Variants in RALY observed in about 807,000 individuals in gnomAD.
The protein encoded by RALY is RALY heterogeneous nuclear ribonucleoprotein, also known as RNA-binding protein Raly.
RALY carries 15 observed loss-of-function variants against 30.7 expected under a neutral mutation model. That is an observed-to-expected ratio of 0.49 (90% CI 0.33 to 0.75). The LOEUF (loss-of-function observed/expected upper bound fraction) is 0.75. Ranked by LOEUF, RALY falls within the 30% of genes least tolerant of loss-of-function variation. RALY has a pLI of 0.02. For synonymous variants in RALY, 177 were observed against 170.8 expected, an observed-to-expected ratio of 1.04 and a Z score of -0.28; for missense variants, 339 against 414.3, an observed-to-expected ratio of 0.82 and a Z score of 1.58.
chr20:34,040,566 C>T (rs575334580), intron 2 of RALY, among the ~76,000 whole-genome samples: 25 of 152,324 alleles, frequency 1.6e-4, no homozygotes, highest in Non-Finnish European at 2.8e-4. Context: ...TGGGGTTCAT[C>T]CCCGAGTCTT....
intron 8 of RALY, among the ~76,000 whole-genome samples, chr20:34,077,941 C>T (rs1202979122): frequency 4.6e-5 from 7 of 152,230 alleles, no homozygotes; most frequent in Admixed American, 2.0e-4. Flanking sequence ...GGCTGAGTGG[C>T]ATGCTCAGGG....
chr20:34,036,673 G>T lies in RALY; in HGVS notation c.-10+5069G>T, dbSNP rs549974670. On this transcript the variant is annotated intron_variant, in intron 2 of 9. Transcript: ENST00000246194. The stretch of plus-strand genomic sequence containing the variant: ...GCCACATGGGCCTGGGCTTGTCTTT[G>T]TTGGAAGAGTTTAAAATTACTAATT... Among the ~76,000 whole-genome samples, 45 of 152,300 alleles carry T rather than the reference G, an allele frequency of 3.0e-4. 1 individual carries two copies. In the South Asian group the frequency reaches 9.1e-3, roughly 31 times the overall value.
intron 1 of RALY, among the ~76,000 whole-genome samples, chr20:33,996,798 C>G (rs1353160989): frequency 6.6e-6 from 1 of 152,200 alleles, no homozygotes; most frequent in East Asian, 1.9e-4. Flanking sequence ...TCCCTCCTCC[C>G]TCCAGCCCCT....
intron 2 of RALY, among the ~76,000 whole-genome samples, chr20:34,042,284 G>A (rs180860042): frequency 6.1e-4 from 93 of 152,220 alleles, no homozygotes; most frequent in African/African-American, 1.9e-3. Context: ...ATCACAGTTC[G>A]TAAAACGACA....
intron 2 of RALY, among the ~76,000 whole-genome samples, chr20:34,054,963 GA>G (rs2123189705): frequency 6.6e-6 from 1 of 152,236 alleles, no homozygotes; most frequent in African/African-American, 2.4e-5. Flanking sequence ...TTTTCATTTA[GA>G]AAATTCCTGA....
intron 2 of RALY, among the ~76,000 whole-genome samples, chr20:34,036,779 T>C (rs550179475): frequency 6.6e-6 from 1 of 152,310 alleles, no homozygotes; most frequent in African/African-American, 2.4e-5. Flanking sequence ...TTTTTAGGAA[T>C]GTTTCCATTT....
At position 34,084,858 on chromosome 20, in the gene RALY, T is replaced by C. The variant is rs575599488; in HGVS notation, c.*4953T>C. On this transcript the variant is annotated 3_prime_UTR_variant, in exon 10 of 10. Coordinates refer to ENST00000246194, the MANE Select transcript of RALY (RefSeq NM_016732.3). Reference sequence around the variant, plus strand: ...ATTCAAAGCCCAGCACCATGAGAGATAATAAAACGTTGTTTGAAGATGCTA... The same window carrying C: ...ATTCAAAGCCCAGCACCATGAGAGACAATAAAACGTTGTTTGAAGATGCTA... 6.6e-6 allele frequency: 1 copy of C among 152,280 alleles called. No individual in the cohort carries two copies. The highest frequency in any genetic ancestry group is 1.5e-5 in the Non-Finnish European group (1 of 68,080). The allele number at this position is 152,280 out of a possible 1,614,324, so 9.4% of individuals were successfully genotyped here.
chr20:34,063,346 T>C (rs972953559), intron 2 of RALY, among the ~76,000 whole-genome samples: 2 of 152,164 alleles, frequency 1.3e-5, no homozygotes, highest in Non-Finnish European at 2.9e-5. Flanking sequence ...GGATGGGGGC[T>C]CAGTGGGAGC....
At chr20:34,014,145 G>T (rs1455650634) in intron 1 of RALY, among the ~76,000 whole-genome samples, 1 of 152,116 alleles carries the variant, frequency 6.6e-6, no homozygotes, top group Non-Finnish European at 1.5e-5. Context: ...CACATGAGTA[G>T]CCCGTACTAG....
At chr20:34,018,154 A>G (rs982913433) in intron 1 of RALY, among the ~76,000 whole-genome samples, 1 of 152,272 alleles carries the variant, frequency 6.6e-6, no homozygotes, top group African/African-American at 2.4e-5. Flanking sequence ...GTAGCAAAAC[A>G]GATGGACTGC....
chr20:34,068,485 T>A (rs572342739), intron 2 of RALY, among the ~76,000 whole-genome samples: 1 of 152,216 alleles, frequency 6.6e-6, no homozygotes, highest in African/African-American at 2.4e-5. Flanking sequence ...TCTGACCACC[T>A]CCTGGGACAT....
At chr20:33,996,542 C>T (rs1462137597) in intron 1 of RALY, among the ~76,000 whole-genome samples, 6 of 152,026 alleles carry the variant, frequency 3.9e-5, no homozygotes, top group South Asian at 4.2e-4. Context: ...TTACCTGCCT[C>T]AGGGTCATGT....
intron 1 of RALY, among the ~76,000 whole-genome samples, chr20:34,015,729 T>C (rs1396548285): frequency 1.3e-5 from 2 of 152,146 alleles, no homozygotes; most frequent in Non-Finnish European, 2.9e-5. Flanking sequence ...AAGCCAGGGC[T>C]AGATGAGTCA....
intron 1 of RALY, among the ~76,000 whole-genome samples, chr20:34,020,798 T>C (rs534094881): frequency 6.6e-6 from 1 of 152,352 alleles, no homozygotes; most frequent in East Asian, 1.9e-4. Flanking sequence ...AAGGTAGTTA[T>C]GCAAGTTCTG....
chr20:34,011,286 CT>C (rs2031388542), intron 1 of RALY, among the ~76,000 whole-genome samples: 1 of 152,190 alleles, frequency 6.6e-6, no homozygotes, highest in Non-Finnish European at 1.5e-5. Flanking sequence ...GGCCCTTTGA[CT>C]TCTACCCCAG....
intron 2 of RALY, among the ~76,000 whole-genome samples, chr20:34,048,593 A>G (rs1361766496): frequency 6.6e-6 from 1 of 151,728 alleles, no homozygotes; most frequent in Non-Finnish European, 1.5e-5. Flanking sequence ...GTGGTGGCTC[A>G]CGCCTGTAAT....
At chr20:34,055,266 G>A (rs945545747) in intron 2 of RALY, among the ~76,000 whole-genome samples, 2 of 152,162 alleles carry the variant, frequency 1.3e-5, no homozygotes, top group Admixed American at 6.5e-5. Context: ...ACTTAGCAAT[G>A]TATCTTCCAT....
At chr20:34,072,398 A>G (rs2033752633) in intron 3 of RALY, 68 bp downstream of exon 3, 1 of 1,517,502 alleles carries the variant, frequency 6.6e-7, no homozygotes, top group Non-Finnish European at 8.8e-7. Flanking sequence ...CCAGTTCTCA[A>G]CCCCCTTCTC....
chr20:34,028,114 C>T (rs187341314), intron 1 of RALY, among the ~76,000 whole-genome samples: 7 of 152,140 alleles, frequency 4.6e-5, no homozygotes, highest in Middle Eastern at 3.4e-3. Context: ...GGTGAAACTC[C>T]GTCTCCACTA....
Sources: gnomAD v4.1 joint callset for allele counts (sites outside exome capture counted in the v4.1 genomes callset) on GRCh38, gnomAD v4.1.1 for gene constraint, MANE v1.5 for transcripts, NCBI Gene and HGNC (gene_info 2026-07-23, HGNC 2026-07-21) for gene names.